Variants in FN1 observed in about 807,000 individuals in gnomAD.
FN1 encodes fibronectin 1, also known as fibronectin.
In FN1, 106 loss-of-function variants were observed where a neutral mutation model predicts 297.3. The ratio of observed to expected loss-of-function variants is 0.36; its 90% confidence interval spans 0.30 to 0.42. The LOEUF (loss-of-function observed/expected upper bound fraction) is 0.42. Ranked by LOEUF, FN1 falls within the 10% of genes least tolerant of loss-of-function variation. The probability of loss-of-function intolerance (pLI) is 1.00; values close to 1 mark genes in which losing one functional copy is unlikely to be tolerated. For missense variants in FN1, 2,690 were observed against 3,124.9 expected, an observed-to-expected ratio of 0.86 and a Z score of 3.32; for synonymous variants, 1,149 against 1,152.6, an observed-to-expected ratio of 1.00 and a Z score of 0.06.
chr2:215,380,334 G>T (rs774651210), intron 33 of FN1: 6 of 175,552 alleles, frequency 3.4e-5, no homozygotes, highest in African/African-American at 1.4e-4. Flanking sequence ...TATTTCCTAG[G>T]TGTCTAAATC....
At chr2:215,423,578 C>A in intron 8 of FN1, 52 bp from the exon 9 acceptor site, 1 of 1,539,244 alleles carries the variant, frequency 6.5e-7, no homozygotes, top group East Asian at 2.3e-5. Context: ...CTGAGCTTTC[C>A]AATGTACACA....
intron 19 of FN1, among the ~76,000 whole-genome samples, chr2:215,405,180 A>G (rs1205613998): frequency 6.6e-6 from 1 of 152,260 alleles, no homozygotes; most frequent in Non-Finnish European, 1.5e-5. Flanking sequence ...CCTCAGATTC[A>G]TGGTAGGATA....
At chr2:215,399,377 T>C (rs775577910) in intron 20 of FN1, 26 bp from the exon 21 acceptor site, 3 of 1,501,344 alleles carry the variant, frequency 2.0e-6, no homozygotes, top group Admixed American at 3.3e-5. Flanking sequence ...AATGCACATA[T>C]TCAAAACTCA....
At position 215,423,213 on chromosome 2, in the gene FN1, A is replaced by C. The variant is rs7422428; in HGVS notation, c.1393+137T>G. The stretch of plus-strand genomic sequence containing the variant: ...ACACACACACACACACACACACACA[A>C]ACACACTTCACATGAAGTTTTCTGT... On this transcript the variant is annotated intron_variant, in intron 9 of 45. Coordinates refer to ENST00000354785, the MANE Select transcript of FN1 (RefSeq NM_212482.4). 685 of 638,882 alleles carry C rather than the reference A, an allele frequency of 1.1e-3. No individual in the cohort carries two copies. Among genetic ancestry groups the C allele is most frequent in the Non-Finnish European group, 1.3e-3 (508 of 376,602 alleles). 39.6% of individuals were successfully genotyped at this position (638,882 alleles called of 1,614,324 possible).
chr2:215,406,947 A>C (rs944145753), intron 18 of FN1, among the ~76,000 whole-genome samples, 180 bp downstream of exon 18: 1 of 152,234 alleles, frequency 6.6e-6, no homozygotes, highest in African/African-American at 2.4e-5. Flanking sequence ...TTTAATCAGA[A>C]AGGCCAGTAG....
chr2:215,375,074 CAG>C, intron 38 of FN1, 138 bp downstream of exon 38: 1 of 874,508 alleles, frequency 1.1e-6, no homozygotes, highest in Non-Finnish European at 1.9e-6. Context: ...CACTCCTACA[CAG>C]AGAATGCTTT....
At chr2:215,382,841 G>A (rs913597603) in intron 31 of FN1, among the ~76,000 whole-genome samples, 2 of 152,076 alleles carry the variant, frequency 1.3e-5, no homozygotes, top group African/African-American at 2.4e-5. Flanking sequence ...ACTGTGAAAA[G>A]GGTTGATAAT....
At chr2:215,367,805 G>A in intron 42 of FN1, 58 bp downstream of exon 42, 1 of 1,542,702 alleles carries the variant, frequency 6.5e-7, no homozygotes, top group Non-Finnish European at 9.0e-7. Flanking sequence ...GCACATGAGT[G>A]CATGCATGGA....
chr2:215,396,021 G>T (rs2106131112), intron 23 of FN1, among the ~76,000 whole-genome samples: 1 of 152,330 alleles, frequency 6.6e-6, no homozygotes, highest in South Asian at 2.1e-4. Flanking sequence ...TTCAGAGGGA[G>T]ATTAAAAGAG....
chr2:215,385,641 G>A (rs536850786), intron 28 of FN1, among the ~76,000 whole-genome samples: 25 of 151,522 alleles, frequency 1.6e-4, no homozygotes, highest in South Asian at 1.0e-3. Flanking sequence ...CTGGCTTGAC[G>A]ACTTGAGACT....
rs182698028 is a variant in FN1 at position 215,413,813 on chromosome 2, A to C, written c.1941+1024T>G. Among the ~76,000 whole-genome samples, 68 of 152,306 alleles carry C rather than the reference A, an allele frequency of 4.5e-4. 1 individual carries two copies. The highest frequency in any genetic ancestry group is 3.8e-3 in the Admixed American group (58 of 15,298). On this transcript the variant is annotated intron_variant, in intron 13 of 45. Transcript: ENST00000354785. ...TCTGAAAATATTATTTTGCCCTCATATTTGATTGATAACCTGGCTGAGTAT... is the reference window on the plus strand; with the variant it reads ...TCTGAAAATATTATTTTGCCCTCATCTTTGATTGATAACCTGGCTGAGTAT...
rs2066864131 is a variant in FN1, at chr2:215,433,319, CT to C, written c.415+4del. 1 of 1,614,004 alleles carries C rather than the reference CT, an allele frequency of 6.2e-7. No individual in the cohort carries two copies. Among genetic ancestry groups the C allele is most frequent in the African/African-American group, 1.3e-5 (1 of 74,920 alleles). ...TGGCATCATTTTACACAATCTCTTC[CT>C]TACTTGCGATGGTACAGCTTATTCT... On this transcript the variant is annotated splice_donor_region_variant and intron_variant, in intron 3 of 45. Transcript: ENST00000354785.
chr2:215,420,773 G>C lies in FN1; in HGVS notation c.1575C>G (p.Tyr525Ter). 1 of 1,613,962 alleles carries C rather than the reference G, an allele frequency of 6.2e-7. No homozygotes were observed. Among genetic ancestry groups the C allele is most frequent in the Non-Finnish European group, 8.5e-7 (1 of 1,179,798 alleles). The change falls in exon 11 of 46, where the codon TAC becomes TAG. Residue 525 changes from tyrosine (Y) to a stop codon, truncating the protein, a stop_gained. Transcript: ENST00000354785. LOFTEE classifies it high-confidence loss of function. ...GCTTGTGGAATGTGTCGTTCACATT[G>C]TAAGTGATGTCATCAACAATGCACT... ...RDQCIVDDIT[Y>*]NVNDTFHKRH...
At chr2:215,430,991 A>T (rs753680283) in intron 4 of FN1, 139 bp from the exon 5 acceptor site, 1 of 838,268 alleles carries the variant, frequency 1.2e-6, no homozygotes, top group Non-Finnish European at 2.0e-6. Context: ...AAAGAATGAC[A>T]CACCCAGCAT....
At chr2:215,377,472 ACTCT>A (rs147695672) in intron 35 of FN1, among the ~76,000 whole-genome samples, 5 of 147,446 alleles carry the variant, frequency 3.4e-5, no homozygotes, top group Non-Finnish European at 7.5e-5. Flanking sequence ...TCCCCCCCCA[ACTCT>A]CTCTCTCTCT....
At position 215,387,095 on chromosome 2, in the gene FN1, A is replaced by G; in HGVS notation, c.4343-137T>C. The G allele has an allele frequency of 4.0e-6, 3 of 740,946 alleles. No homozygotes were observed. In the East Asian group the frequency reaches 8.1e-5, roughly 20 times the overall value. The allele number at this position is 740,946 out of a possible 1,614,324, so 45.9% of individuals were successfully genotyped here. On this transcript the variant is annotated intron_variant, in intron 27 of 45. Transcript: ENST00000354785. Reference sequence around the variant, plus strand: ...TCTCATCAATACCATGATTTGCCATAAACCAAAGAGTAAGATGTACTGATT... The same window carrying G: ...TCTCATCAATACCATGATTTGCCATGAACCAAAGAGTAAGATGTACTGATT...
Position 215,379,752 on chromosome 2 carries a change from G to A in FN1, c.5435-435C>T, listed in dbSNP as rs1055450956. On this transcript the variant is annotated intron_variant, in intron 33 of 45. Coordinates refer to ENST00000354785, the MANE Select transcript of FN1 (RefSeq NM_212482.4). ...TGTGTCATCCAGGCGGCAGTGCAGT[G>A]GAGTTATCATAGCTCACTGCAGCCT... 1.6e-4 allele frequency: 34 copies of A among 211,778 alleles called. No homozygotes were observed. In the Admixed American group the frequency reaches 1.8e-3, roughly 11 times the overall value. 13.1% of individuals were successfully genotyped at this position (211,778 alleles called of 1,614,324 possible).
At chr2:215,391,887 T>C in intron 25 of FN1, 73 bp from the exon 26 acceptor site, 1 of 1,298,056 alleles carries the variant, frequency 7.7e-7, no homozygotes, top group Non-Finnish European at 1.1e-6. Flanking sequence ...GCTGGAAAGG[T>C]AAAATCAATA....
At chr2:215,369,619 C>A (rs965494096) in intron 41 of FN1, among the ~76,000 whole-genome samples, 1 of 152,122 alleles carries the variant, frequency 6.6e-6, no homozygotes, top group Admixed American at 6.5e-5. Flanking sequence ...GAATTTTCAG[C>A]TGCTGCAAAT....
Sources: gnomAD v4.1 joint callset for allele counts (sites outside exome capture counted in the v4.1 genomes callset) on GRCh38, gnomAD v4.1.1 for gene constraint, MANE v1.5 for transcripts, NCBI Gene and HGNC (gene_info 2026-07-23, HGNC 2026-07-21) for gene names.